MAP3K6: variants seen among roughly 807,000 people sequenced by gnomAD.
MAP3K6 encodes apoptosis signal-regulating kinase 2.
MAP3K6 carries 105 observed loss-of-function variants against 147.1 expected under a neutral mutation model. The ratio of observed to expected loss-of-function variants is 0.71; its 90% CI spans 0.61 to 0.84. The LOEUF (loss-of-function observed/expected upper bound fraction) is 0.84, where lower values mean the gene tolerates loss of function less well. MAP3K6 is among the 40% of genes least tolerant of loss of function. MAP3K6 has a pLI of 0.00. For synonymous variants in MAP3K6, 695 were observed against 732.4 expected (o/e 0.95, Z 0.82); for missense variants, 1,569 against 1,715.0 (o/e 0.91, Z 1.50).
In MAP3K6 at chr1:27,364,601, G is replaced by C. The variant is rs1363379822; in HGVS notation, c.504+60C>G. On this transcript the variant is annotated intron_variant, in intron 3 of 28. Transcript: ENST00000357582. The surrounding 1 kb of genome is among the most constrained non-coding windows in gnomAD (Gnocchi z 4.4). The stretch of plus-strand genomic sequence containing the variant: ...TGAGGAGGCCAGGGGGATTAGTGGA[G>C]GTCAGAGGTCATAGCGGAAGTCAAA... The C allele has an allele frequency of 1.4e-5, 23 of 1,611,436 alleles. No individual in the cohort carries two copies. Among genetic ancestry groups the C allele is most frequent in the Admixed American group, 3.3e-5 (2 of 60,022 alleles).
chr1:27,357,597 T>A, intron 22 of MAP3K6, 21 bp from the exon 23 acceptor site: 1 of 1,598,604 alleles, frequency 6.3e-7, no homozygotes, highest in Non-Finnish European at 8.5e-7. Context: ...AGAGAGGGGT[T>A]GTCAGCGAGT....
intron 26 of MAP3K6, 83 bp from the exon 27 acceptor site, chr1:27,356,182 C>T (rs2015514323): frequency 7.3e-7 from 1 of 1,361,496 alleles, no homozygotes; most frequent in Admixed American, 1.7e-5. Flanking sequence ...GTTCTCCAGC[C>T]AAGGCCCACT....
At position 27,366,492 on chromosome 1, in the gene MAP3K6, C is replaced by G; in HGVS notation, c.106G>C (p.Gly36Arg). The change falls in exon 1 of 29, where the codon GGC becomes CGC. Residue 36 changes from glycine (G) to arginine (R), a missense_variant. Transcript: ENST00000357582. The surrounding 1 kb of genome is among the most constrained non-coding windows in gnomAD (Gnocchi z 5.5). ...SRGRQLAAPPGRGCARSRPLS... is the reference protein window; with the variant it reads ...SRGRQLAAPPRRGCARSRPLS... ...GGCCGGCTCCGCGCGCAGCCCCGGC[C>G]CGGGGGCGCCGCGAGCTGCCGGCCC... 1 of 1,129,834 alleles carries G rather than the reference C, an allele frequency of 8.9e-7. No homozygotes were observed. Among genetic ancestry groups the G allele is most frequent in the Non-Finnish European group, 1.1e-6 (1 of 923,570 alleles). The allele number at this position is 1,129,834 out of a possible 1,614,324, so 70.0% of individuals were successfully genotyped here.
chr1:27,362,858 A>G lies in MAP3K6; in HGVS notation c.1135T>C (p.Tyr379His). 1 of 1,613,912 alleles carries G rather than the reference A, an allele frequency of 6.2e-7. No homozygotes were observed. The highest frequency in any genetic ancestry group is 8.5e-7 in the Non-Finnish European group (1 of 1,179,926). The change falls in exon 7 of 29, where the codon TAT (tyrosine) becomes CAT (histidine). Residue 379 changes from tyrosine (Y) to histidine (H), a missense_variant. By Grantham distance (83) the Tyr-to-His change is moderately conservative. Transcript: ENST00000357582. Reference protein sequence around the residue: ...FQDAGHREQAYHWYRKAFDVE... With the variant: ...FQDAGHREQAHHWYRKAFDVE... ...ACTCACTGTGCTCTTTACCAGTGAT[A>G]GGCCTGCTCCCGGTGCCCAGCATCC...
In MAP3K6 at chr1:27,366,484, G is replaced by C; in HGVS notation, c.114C>G (p.Gly38=). The C allele has an allele frequency of 1.0e-5, 11 of 1,098,916 alleles. No individual in the cohort carries two copies. Among genetic ancestry groups the C allele is most frequent in the Admixed American group, 1.0e-4 (2 of 19,452 alleles). 68.1% of individuals were successfully genotyped at this position (1,098,916 alleles called of 1,614,324 possible). The change falls in exon 1 of 29, where the codon GGC becomes GGG. Residue 38 remains glycine (G), a synonymous_variant. Coordinates refer to ENST00000357582, the MANE Select transcript of MAP3K6 (RefSeq NM_004672.5). This position sits in a 1 kb window ranked among gnomAD's most constrained non-coding sequence, Gnocchi z 5.5. Reference sequence around the variant, plus strand: ...CGCTGAGCGGCCGGCTCCGCGCGCAGCCCCGGCCCGGGGGCGCCGCGAGCT... The same window carrying C: ...CGCTGAGCGGCCGGCTCCGCGCGCACCCCCGGCCCGGGGGCGCCGCGAGCT... The part of the protein sequence containing the change: ...GRQLAAPPGR[G]CARSRPLSVV...
Position 27,357,854 on chromosome 1 carries a change from C to G in MAP3K6, c.2938G>C (p.Glu980Gln). Reference sequence around the variant, plus strand: ...CTCTCCTCCGGAGACGCAGGCTCCTCGGCCGCAGGCTCCTCGGGCACCCTG... The same window carrying G: ...CTCTCCTCCGGAGACGCAGGCTCCTGGGCCGCAGGCTCCTCGGGCACCCTG... Reference protein sequence around the residue: ...QLRVPEEPAAEEPASPEESSG... With the variant: ...QLRVPEEPAAQEPASPEESSG... Residue 980 changes from glutamate (E) to glutamine (Q), a missense_variant, in exon 22 of 29, where the codon GAG (glutamate) becomes CAG (glutamine). By Grantham distance (29) the Glu-to-Gln change is conservative. Coordinates refer to ENST00000357582, the MANE Select transcript of MAP3K6 (RefSeq NM_004672.5). 1 of 1,594,604 alleles carries G rather than the reference C, an allele frequency of 6.3e-7. No homozygotes were observed.
chr1:27,358,067 A>C lies in MAP3K6; in HGVS notation c.2915+114T>G, dbSNP rs1053265444. ...AGAACAGGGCATGGGGAGGCACCAA[A>C]TGCCACATTCACAAGTGGTCAAGGT... On this transcript the variant is annotated intron_variant, in intron 21 of 28. Transcript: ENST00000357582. This position sits in a 1 kb window ranked among gnomAD's most constrained non-coding sequence, Gnocchi z 6.2. 6.6e-7 allele frequency: 1 copy of C among 1,506,334 alleles called. No individual in the cohort carries two copies. The allele number at this position is 1,506,334 out of a possible 1,614,324, so 93.3% of individuals were successfully genotyped here. A position where few individuals can be genotyped will look rare whatever the true frequency, so the allele number is the denominator to read the frequency against.
Position 27,360,503 on chromosome 1 carries a change from C to T in MAP3K6, c.2055-135G>A, listed in dbSNP as rs1421502916. 3.4e-5 allele frequency: 45 copies of T among 1,309,282 alleles called. No individual in the cohort carries two copies. In the Admixed American group the frequency reaches 1.1e-3, roughly 32 times the overall value. The allele number at this position is 1,309,282 out of a possible 1,614,324, so 81.1% of individuals were successfully genotyped here. A position where few individuals can be genotyped will look rare whatever the true frequency, so the allele number is the denominator to read the frequency against. On this transcript the variant is annotated intron_variant, in intron 15 of 28. Transcript: ENST00000357582. The surrounding 1 kb of genome is among the most constrained non-coding windows in gnomAD (Gnocchi z 4.5). ...CTCCGACCTTCCCCACCCTTACTAC[C>T]CTGCCCACAGGACCCTCCAGACCTC... is the stretch of plus-strand genomic sequence containing the variant.
chr1:27,359,508 C>A lies in MAP3K6; in HGVS notation c.2334G>T (p.Leu778=). ...TGAGCAGCCCACTGAAGGTGTTGAT[C>A]AGCACATTGTCCCCCTGATTGACAG... The part of the protein sequence containing the change: ...VHRDIKGDNV[L]INTFSGLLKI... Residue 778 remains leucine (L), a synonymous_variant, in exon 18 of 29, where the codon CTG becomes CTT. Transcript: ENST00000357582. This position sits in a 1 kb window ranked among gnomAD's most constrained non-coding sequence, Gnocchi z 4.4. The A allele has an allele frequency of 1.2e-6, 2 of 1,614,092 alleles. No individual in the cohort carries two copies. The highest frequency in any genetic ancestry group is 8.5e-7 in the Non-Finnish European group (1 of 1,180,020).
rs766991920 is a variant in MAP3K6 at position 27,364,126 on chromosome 1, G to A, written c.696-41C>T. Reference sequence around the variant, plus strand: ...GGGGAGGCAGGGAGAGAGAATGGTGGGGCCTGTACCTCAGCCCCAGCCCAC... The same window carrying A: ...GGGGAGGCAGGGAGAGAGAATGGTGAGGCCTGTACCTCAGCCCCAGCCCAC... On this transcript the variant is annotated intron_variant, in intron 4 of 28. Transcript: ENST00000357582. The surrounding 1 kb of genome is among the most constrained non-coding windows in gnomAD (Gnocchi z 4.4). 2 of 1,601,060 alleles carry A rather than the reference G, an allele frequency of 1.2e-6. No individual in the cohort carries two copies. The highest frequency in any genetic ancestry group is 1.1e-5 in the South Asian group (1 of 90,266).
chr1:27,360,826 ACTC>A lies in MAP3K6; in HGVS notation c.1930_1932del (p.Glu644del), dbSNP rs1557561561. On this transcript the variant is annotated inframe_deletion, in exon 15 of 29. Coordinates refer to ENST00000357582, the MANE Select transcript of MAP3K6 (RefSeq NM_004672.5). The surrounding 1 kb of genome is among the most constrained non-coding windows in gnomAD (Gnocchi z 4.5). ...ACCAGCCGCTCGCCCGTCTCCGTGT[ACTC>A]ATAATCAAACTGCCGGGCGCGGGGT... The A allele has an allele frequency of 6.2e-7, 1 of 1,612,724 alleles. No homozygotes were observed.
At position 27,364,106 on chromosome 1, in the gene MAP3K6, G is replaced by A. The variant is rs377446990; in HGVS notation, c.696-21C>T. The A allele has an allele frequency of 1.6e-4, 252 of 1,607,216 alleles. No individual in the cohort carries two copies. Among genetic ancestry groups the A allele is most frequent in the Non-Finnish European group, 1.9e-4 (228 of 1,176,650 alleles). On this transcript the variant is annotated intron_variant, in intron 4 of 28. Coordinates refer to ENST00000357582, the MANE Select transcript of MAP3K6 (RefSeq NM_004672.5). This position sits in a 1 kb window ranked among gnomAD's most constrained non-coding sequence, Gnocchi z 4.4. The stretch of plus-strand genomic sequence containing the variant: ...AGCCACTGATGCCCAGGGTAGGGGA[G>A]GCAGGGAGAGAGAATGGTGGGGCCT...
rs2015861664 is a variant in MAP3K6, at chr1:27,363,522, C to T, written c.891G>A (p.Val297=). 1.2e-6 allele frequency: 2 copies of T among 1,612,940 alleles called. No individual in the cohort carries two copies. The highest frequency in any genetic ancestry group is 1.3e-5 in the African/African-American group (1 of 75,008). The change falls in exon 6 of 29, where the codon GTG becomes GTA. Residue 297 remains valine (V), a synonymous_variant. Transcript: ENST00000357582. Reference sequence around the variant, plus strand: ...AGGTGGGCAAGGCCTGCAGCGTCTCCACCAGCTCAATGATGGCCGAGTAGT... The same window carrying T: ...AGGTGGGCAAGGCCTGCAGCGTCTCTACCAGCTCAATGATGGCCGAGTAGT... ...VQDYSAIIEL[V]ETLQALPTCD... is the part of the protein sequence containing the mutation.
intron 24 of MAP3K6, 116 bp from the exon 25 acceptor site, chr1:27,356,865 T>C (rs1481986759): frequency 7.0e-7 from 1 of 1,436,274 alleles, no homozygotes; most frequent in Non-Finnish European, 9.4e-7. Context: ...GGTGCCGGTA[T>C]GGGAGATGTC....
chr1:27,362,729 C>G lies in MAP3K6; in HGVS notation c.1167G>C (p.Glu389Asp). The G allele has an allele frequency of 6.2e-7, 1 of 1,612,020 alleles. No individual in the cohort carries two copies. Among genetic ancestry groups the G allele is most frequent in the East Asian group, 2.2e-5 (1 of 44,830 alleles). The change falls in exon 8 of 29, where the codon GAG becomes GAC. Residue 389 changes from glutamate (E) to aspartate (D), a missense_variant. Transcript: ENST00000357582. ...YHWYRKAFDV[E>D]PSLHSGINAA... ...CATTGATGCCTGAGTGAAGGCTGGGCTCTACGTCAAAAGCCTTGCGATACC... is the reference window on the plus strand; with the variant it reads ...CATTGATGCCTGAGTGAAGGCTGGGGTCTACGTCAAAAGCCTTGCGATACC...
Position 27,360,079 on chromosome 1 carries a change from T to G in MAP3K6, c.2183-85A>C. ...TGCTCAAGGCCCAGACACACCCATG[T>G]TGTAGCCCAACTCCATCACCCAGCG... is the stretch of plus-strand genomic sequence containing the variant. On this transcript the variant is annotated intron_variant, in intron 16 of 28. Transcript: ENST00000357582. This position sits in a 1 kb window ranked among gnomAD's most constrained non-coding sequence, Gnocchi z 4.5. 1.9e-6 allele frequency: 3 copies of G among 1,593,412 alleles called. No homozygotes were observed. The highest frequency in any genetic ancestry group is 2.6e-6 in the Non-Finnish European group (3 of 1,166,266).
chr1:27,357,855 G>C lies in MAP3K6; in HGVS notation c.2937C>G (p.Ala979=), dbSNP rs746719445. ...TCTCCTCCGGAGACGCAGGCTCCTC[G>C]GCCGCAGGCTCCTCGGGCACCCTGG... ...SQLRVPEEPA[A]EEPASPEESS... The change falls in exon 22 of 29, where the codon GCC becomes GCG. Residue 979 remains alanine, a synonymous_variant. Transcript: ENST00000357582. The C allele has an allele frequency of 6.3e-7, 1 of 1,594,926 alleles. No individual in the cohort carries two copies. Among genetic ancestry groups the C allele is most frequent in the Non-Finnish European group, 8.5e-7 (1 of 1,174,838 alleles).
At position 27,356,724 on chromosome 1, in the gene MAP3K6, C is replaced by A. The variant is rs1461699511; in HGVS notation, c.3390G>T (p.Pro1130=). 2.5e-6 allele frequency: 4 copies of A among 1,578,968 alleles called. No homozygotes were observed. The South Asian group carries it at 4.6e-5, about 18-fold the overall frequency. Residue 1130 remains proline (P), a synonymous_variant, in exon 25 of 29, where the codon CCG becomes CCT. Transcript: ENST00000357582. ...GPEVEKEAVS[P]RSEELSNEGD... ...CTTCATTACTCAGCTCCTCTGACCT[C>A]GGTGAGACCGCCTCCTTCTCCACCT...
chr1:27,358,051 C>T lies in MAP3K6; in HGVS notation c.2915+130G>A. 1 of 1,499,954 alleles carries T rather than the reference C, an allele frequency of 6.7e-7. No homozygotes were observed. The highest frequency in any genetic ancestry group is 1.4e-5 in the South Asian group (1 of 73,834). The allele number at this position is 1,499,954 out of a possible 1,614,324, so 92.9% of individuals were successfully genotyped here. ...CCAAGTTAGAGTTGCCAGAACAGGGCATGGGGAGGCACCAAATGCCACATT... is the reference window on the plus strand; with the variant it reads ...CCAAGTTAGAGTTGCCAGAACAGGGTATGGGGAGGCACCAAATGCCACATT... On this transcript the variant is annotated intron_variant, in intron 21 of 28. Transcript: ENST00000357582. The surrounding 1 kb of genome is among the most constrained non-coding windows in gnomAD (Gnocchi z 6.2).
Sources: allele counts gnomAD v4.1 joint callset, GRCh38; gene constraint gnomAD v4.1.1; non-coding constraint Gnocchi (gnomAD v3.1); transcripts MANE v1.5; gene names NCBI Gene and HGNC (gene_info 2026-07-23, HGNC 2026-07-21).